The following SEC31A variants were observed in gnomAD, a reference collection of about 807,000 sequenced individuals.
SEC31A encodes the protein SEC31 homolog A, COPII component, also known as protein transport protein Sec31A.
Under a neutral mutation model 151.0 loss-of-function variants are expected in SEC31A, and 70 were observed. That is an observed-to-expected ratio of 0.46 (90% CI 0.38 to 0.57). The LOEUF (loss-of-function observed/expected upper bound fraction) is 0.57. SEC31A is among the 20% of genes least tolerant of loss of function. The pLI, the probability that SEC31A is intolerant of heterozygous loss-of-function variation, is 0.00. For missense variants in SEC31A, 1,330 were observed against 1,471.2 expected (o/e 0.90, Z 1.57); for synonymous variants, 475 against 505.9 (o/e 0.94, Z 0.82).
At chr4:82,843,161 T>C (rs1202212379) in intron 21 of SEC31A, among the ~76,000 whole-genome samples, 2 of 151,684 alleles carry the variant, frequency 1.3e-5, no homozygotes, top group Non-Finnish European at 2.9e-5. Flanking sequence ...GACAGGGTCT[T>C]GCTGTGTCAC....
chr4:82,891,510 C>T (rs979994105), upstream of SEC31A, among the ~76,000 whole-genome samples: 4 of 152,244 alleles, frequency 2.6e-5, no homozygotes, highest in African/African-American at 9.6e-5. Context: ...CGCCACGTAG[C>T]ACTAGTCCTG....
At chr4:82,833,733 A>G (rs1213773129) in intron 22 of SEC31A, among the ~76,000 whole-genome samples, 1 of 152,192 alleles carries the variant, frequency 6.6e-6, no homozygotes, top group East Asian at 1.9e-4. Context: ...TGTCAGACAT[A>G]TAACTCATGT....
chr4:82,863,387 GTTTACCTTT>G lies in SEC31A; in HGVS notation c.1435-4_1439del. 2 of 1,555,360 alleles carry G rather than the reference GTTTACCTTT, an allele frequency of 1.3e-6. No individual in the cohort carries two copies. Among genetic ancestry groups the G allele is most frequent in the African/African-American group, 1.4e-5 (1 of 71,652 alleles). On this transcript the variant is annotated splice_acceptor_variant and splice_polypyrimidine_tract_variant and coding_sequence_variant and intron_variant, in exon 12 of 27. Transcript: ENST00000395310. LOFTEE classifies it high-confidence loss of function. Reference sequence around the variant, plus strand: ...ATTTTCCACGAGAATCATCCTCAAAGTTTACCTTTAAAAAAAAAGACATATTCTTAAAAC... The same window carrying G: ...ATTTTCCACGAGAATCATCCTCAAAGAAAAAAAAAGACATATTCTTAAAAC...
chr4:82,839,588 ATTTATAATTAT>A (rs2149196433), intron 22 of SEC31A, among the ~76,000 whole-genome samples: 1 of 152,376 alleles, frequency 6.6e-6, no homozygotes, highest in Non-Finnish European at 1.5e-5. Flanking sequence ...GCCCAGCCTC[ATTTATAATTAT>A]TTAAATAACC....
chr4:82,881,973 G>A, intron 1 of SEC31A, 33 bp from the exon 2 acceptor site: 1 of 1,463,300 alleles, frequency 6.8e-7, no homozygotes, highest in South Asian at 1.1e-5. Flanking sequence ...AAACAGCCTT[G>A]AATGACTTGA....
rs1404735280 is a variant in SEC31A, at chr4:82,864,354, A to T, written c.1434+8T>A. 3 of 1,585,910 alleles carry T rather than the reference A, an allele frequency of 1.9e-6. No individual in the cohort carries two copies. In the African/African-American group the frequency reaches 4.0e-5, roughly 21 times the overall value. On this transcript the variant is annotated splice_region_variant and intron_variant, in intron 11 of 26. Coordinates refer to ENST00000395310, the MANE Select transcript of SEC31A (RefSeq NM_001077207.4). ...ATGAAATAATATAGCTTTAAACAGC[A>T]ACTTTACCTTCAAAAAGGACCACAC...
At chr4:82,848,698 T>C in intron 20 of SEC31A, 106 bp downstream of exon 20, 1 of 866,850 alleles carries the variant, frequency 1.2e-6, no homozygotes, top group Non-Finnish European at 1.7e-6. Context: ...CAATATATTG[T>C]CTAGTTTTAC....
At chr4:82,865,211 T>C (rs1020934209) in intron 10 of SEC31A, among the ~76,000 whole-genome samples, 18 of 152,206 alleles carry the variant, frequency 1.2e-4, no homozygotes, top group Admixed American at 9.2e-4. Context: ...ATGAAAGAAT[T>C]AGGCAAGGTA....
chr4:82,831,471 A>C (rs1486241352), intron 22 of SEC31A: 2 of 152,404 alleles, frequency 1.3e-5, no homozygotes, highest in East Asian at 3.8e-4. Context: ...TAGTGATAGA[A>C]CCTTAGATAC....
chr4:82,829,162 A>ATAAC (rs1403241177), intron 22 of SEC31A, 104 bp from the exon 23 acceptor site: 1 of 898,002 alleles, frequency 1.1e-6, no homozygotes, highest in Admixed American at 2.1e-5. Flanking sequence ...TAACCCTGAA[A>ATAAC]TAACTGTCAC....
chr4:82,871,819 A>G, intron 7 of SEC31A, 125 bp downstream of exon 7: 1 of 1,226,104 alleles, frequency 8.2e-7, no homozygotes, highest in Non-Finnish European at 1.1e-6. Context: ...AGCCTAAGTG[A>G]CAGAGCAAAA....
In SEC31A at chr4:82,870,384, A is replaced by G. The variant is rs1162677598; in HGVS notation, c.823T>C (p.Leu275=). The change falls in exon 8 of 27, where the codon TTG becomes CTG. Residue 275 remains leucine, a synonymous_variant. Coordinates refer to ENST00000395310, the MANE Select transcript of SEC31A (RefSeq NM_001077207.4). ...GCATCTTTTCCACAGCTCAGTAACA[A>G]TTCAGGATCTGCCATGCTCCAAGCA... ...AIAWSMADPE[L]LLSCGKDAKI... is the part of the protein sequence containing the mutation. 2 of 1,614,036 alleles carry G rather than the reference A, an allele frequency of 1.2e-6. No individual in the cohort carries two copies. Among genetic ancestry groups the G allele is most frequent in the Non-Finnish European group, 1.7e-6 (2 of 1,179,932 alleles).
At position 82,851,555 on chromosome 4, in the gene SEC31A, T is replaced by G. The variant is rs770484401; in HGVS notation, c.2204A>C (p.Gln735Pro). ...TCCTACAGTACTAGTGTCCATGGCT[T>G]GAGTGAGTTGCACAGCTTTTCGCAG... ...VILRKAVQLT[Q>P]AMDTSTVGVL... The change falls in exon 19 of 27, where the codon CAA (glutamine) becomes CCA (proline). Residue 735 changes from glutamine to proline, a missense_variant. Coordinates refer to ENST00000395310, the MANE Select transcript of SEC31A (RefSeq NM_001077207.4). The G allele has an allele frequency of 3.1e-6, 5 of 1,613,288 alleles. No homozygotes were observed. Among genetic ancestry groups the G allele is most frequent in the Non-Finnish European group, 4.2e-6 (5 of 1,179,632 alleles).
chr4:82,891,079 C>T lies in SEC31A; in HGVS notation c.-5+9G>A, dbSNP rs542140348. The stretch of plus-strand genomic sequence containing the variant: ...GGCGAAGAGGACAAAAAGCAACGGG[C>T]GGACGCACCTGGCGAGGACCTTCGG... On this transcript the variant is annotated intron_variant, in intron 1 of 26. Coordinates refer to ENST00000395310, the MANE Select transcript of SEC31A (RefSeq NM_001077207.4). 1.3e-6 allele frequency: 2 copies of T among 1,535,870 alleles called. No homozygotes were observed. Among genetic ancestry groups the T allele is most frequent in the Admixed American group, 2.0e-5 (1 of 50,994 alleles).
At chr4:82,840,028 C>G (rs1352669559) in intron 22 of SEC31A, among the ~76,000 whole-genome samples, 1 of 152,122 alleles carries the variant, frequency 6.6e-6, no homozygotes, top group Non-Finnish European at 1.5e-5. Context: ...GACTAAACTA[C>G]CTGGTATAGA....
At chr4:82,894,784 G>C (rs1719993086), upstream of SEC31A, 1 of 152,154 alleles carries the variant, frequency 6.6e-6, no homozygotes, top group Non-Finnish European at 1.5e-5. Context: ...CAGAATTCGT[G>C]TTGTTCTGAT....
upstream of SEC31A, chr4:82,894,704 T>A (rs1175095796): frequency 6.6e-6 from 1 of 152,230 alleles, no homozygotes; most frequent in Non-Finnish European, 1.5e-5. Context: ...TCATAAAGCA[T>A]CAATTAGTTC....
chr4:82,847,672 T>C (rs1203139200), intron 20 of SEC31A, among the ~76,000 whole-genome samples: 1 of 152,192 alleles, frequency 6.6e-6, no homozygotes, highest in Non-Finnish European at 1.5e-5. Context: ...CTTCTCAGTT[T>C]TCCCAGCCAT....
At chr4:82,843,620 C>A (rs1031403996) in intron 21 of SEC31A, 1 of 151,948 alleles carries the variant, frequency 6.6e-6, no homozygotes, top group African/African-American at 2.4e-5. Flanking sequence ...TGAACAATAA[C>A]ATTCATTTTA....
Sources: allele counts gnomAD v4.1 joint callset (sites outside exome capture counted in the v4.1 genomes callset), GRCh38; gene constraint gnomAD v4.1.1; transcripts MANE v1.5; gene names NCBI Gene and HGNC (gene_info 2026-07-23, HGNC 2026-07-21).